Variants in PHACTR1 observed in about 807,000 individuals in gnomAD.
PHACTR1 encodes RPEL repeat containing 1.
A neutral mutation model predicts 69.2 loss-of-function variants in PHACTR1; 16 were observed. The observed-to-expected ratio is 0.23, with a 90% confidence interval of 0.16 to 0.35. The LOEUF is 0.35. Among genes scored for constraint, PHACTR1 ranks in the 10% least tolerant of loss-of-function variants. The pLI is 1.00. For synonymous variants in PHACTR1, 312 were observed against 284.5 expected, an observed-to-expected ratio of 1.10 and a Z score of -0.97; for missense variants, 510 against 734.7, an observed-to-expected ratio of 0.69 and a Z score of 3.54.
intron 4 of PHACTR1, among the ~76,000 whole-genome samples, chr6:13,043,128 A>G (rs759908619): frequency 6.6e-6 from 1 of 152,160 alleles, no homozygotes; most frequent in African/African-American, 2.4e-5. Flanking sequence ...AGCCTCTGCC[A>G]TTAAAGTGGC....
intron 5 of PHACTR1, among the ~76,000 whole-genome samples, chr6:13,060,582 A>G (rs138682816): frequency 1.6e-4 from 24 of 152,342 alleles, no homozygotes; most frequent in Non-Finnish European, 3.1e-4. Flanking sequence ...AAGGGCTAGT[A>G]TCAGAAAAGG....
intron 5 of PHACTR1, among the ~76,000 whole-genome samples, chr6:13,078,884 A>G (rs1380437685): frequency 6.6e-6 from 1 of 152,222 alleles, no homozygotes; most frequent in Non-Finnish European, 1.5e-5. Flanking sequence ...TTCAGTTGCA[A>G]ATAAAGTCCC....
chr6:13,086,444 C>T (rs1812320336), intron 5 of PHACTR1, among the ~76,000 whole-genome samples: 1 of 152,058 alleles, frequency 6.6e-6, no homozygotes, highest in Non-Finnish European at 1.5e-5. Context: ...AATCAAGATA[C>T]AGAACAGTTT....
intron 4 of PHACTR1, among the ~76,000 whole-genome samples, chr6:12,879,811 C>T (rs765187750): frequency 3.9e-5 from 6 of 152,180 alleles, no homozygotes; most frequent in Non-Finnish European, 7.3e-5. Context: ...ATAACCTTTA[C>T]TTCTCTACCC....
intron 10 of PHACTR1, among the ~76,000 whole-genome samples, chr6:13,252,375 A>G (rs1422701244): frequency 6.6e-6 from 1 of 151,698 alleles, no homozygotes; most frequent in Non-Finnish European, 1.5e-5. Context: ...AAAAAAGTCT[A>G]AAAAAGAAAA....
At position 13,206,010 on chromosome 6, in the gene PHACTR1, T is replaced by C; in HGVS notation, c.860T>C (p.Leu287Pro). ...CTGCCCTCCCAGATCCAGCACCAGC[T>C]GCAGTACGGCAGCCACGGCCAGCAC... is the stretch of plus-strand genomic sequence containing the variant. ...TVLPSQIQHQLQYGSHGQHLP... is the reference protein window; with the variant it reads ...TVLPSQIQHQPQYGSHGQHLP... Residue 287 changes from leucine (L) to proline (P), a missense_variant, in exon 8 of 15, where the codon CTG (leucine) becomes CCG (proline). By Grantham distance (98) the Leu-to-Pro change is moderately conservative. Transcript: ENST00000332995. The C allele has an allele frequency of 6.2e-7, 1 of 1,613,976 alleles. No homozygotes were observed. Among genetic ancestry groups the C allele is most frequent in the Non-Finnish European group, 8.5e-7 (1 of 1,179,890 alleles).
intron 4 of PHACTR1, among the ~76,000 whole-genome samples, chr6:12,891,382 C>T (rs1784157079): frequency 6.6e-6 from 1 of 152,134 alleles, no homozygotes; most frequent in African/African-American, 2.4e-5. Context: ...GGAAGTCAAA[C>T]ATACAAAGGA....
At chr6:12,959,176 C>CA (rs70989814) in intron 4 of PHACTR1, among the ~76,000 whole-genome samples, 1,799 of 45,962 alleles carry the variant, frequency 0.039, 82 homozygotes, top group African/African-American at 0.079. Context: ...GACTTTATCT[C>CA]AAAAAAAAAA....
chr6:13,029,538 A>G (rs1358645375), intron 4 of PHACTR1, among the ~76,000 whole-genome samples: 4 of 152,206 alleles, frequency 2.6e-5, no homozygotes, highest in Non-Finnish European at 5.9e-5. Context: ...CAGGCAAAAT[A>G]CAAAGAGAAG....
intron 7 of PHACTR1, among the ~76,000 whole-genome samples, chr6:13,204,214 TG>T (rs1765597090): frequency 6.6e-6 from 1 of 152,040 alleles, no homozygotes; most frequent in African/African-American, 2.4e-5. Flanking sequence ...AGTCCATGGA[TG>T]GGTTTTAAAC....
intron 3 of PHACTR1, among the ~76,000 whole-genome samples, chr6:12,729,352 G>A (rs985507061): frequency 3.9e-5 from 6 of 152,072 alleles, no homozygotes; most frequent in Non-Finnish European, 8.8e-5. Flanking sequence ...GTTTATCATC[G>A]ATGCAGCTTT....
At chr6:12,881,987 G>A (rs975224935) in intron 4 of PHACTR1, among the ~76,000 whole-genome samples, 1 of 152,164 alleles carries the variant, frequency 6.6e-6, no homozygotes, top group African/African-American at 2.4e-5. Context: ...GACCAAGGCA[G>A]AAGGTGTGTT....
chr6:13,196,240 G>A (rs1261783848), intron 7 of PHACTR1, among the ~76,000 whole-genome samples: 3 of 148,860 alleles, frequency 2.0e-5, no homozygotes, highest in African/African-American at 5.0e-5. Flanking sequence ...TATTCAGTGA[G>A]GTGCTGTCAA....
intron 4 of PHACTR1, among the ~76,000 whole-genome samples, chr6:12,849,818 A>C (rs1172997869): frequency 1.3e-5 from 2 of 152,154 alleles, no homozygotes; most frequent in Non-Finnish European, 2.9e-5. Context: ...ACAAAAATAC[A>C]CAATTCATAC....
At chr6:12,830,092 GGAAAGAAAGAAAGAAAGAAA>G (rs201322567) in intron 4 of PHACTR1, among the ~76,000 whole-genome samples, 20,499 of 108,904 alleles carry the variant, frequency 0.19, 2,076 homozygotes, top group Admixed American at 0.22. Flanking sequence ...AAGGAAGGAG[GGAAAGAAAGAAAGAAAGAAA>G]GAAAGAAAGA....
At chr6:12,732,046 G>A (rs1044251393) in intron 3 of PHACTR1, among the ~76,000 whole-genome samples, 1 of 151,070 alleles carries the variant, frequency 6.6e-6, no homozygotes, top group Non-Finnish European at 1.5e-5. Context: ...ATACTGAGTT[G>A]CAGAATATGT....
At chr6:12,959,196 GAAAAGA>G (rs1414044008) in intron 4 of PHACTR1, among the ~76,000 whole-genome samples, 2 of 77,854 alleles carry the variant, frequency 2.6e-5, no homozygotes, top group African/African-American at 5.7e-5. Context: ...AAAAAAAAAA[GAAAAGA>G]AAAAAAAAAG....
intron 4 of PHACTR1, among the ~76,000 whole-genome samples, chr6:13,031,244 C>T (rs966075351): frequency 6.6e-6 from 1 of 151,996 alleles, no homozygotes; most frequent in Non-Finnish European, 1.5e-5. Flanking sequence ...TAATTGGAAC[C>T]CCATGTATTC....
intron 10 of PHACTR1, among the ~76,000 whole-genome samples, chr6:13,251,953 G>A (rs1420233542): frequency 1.3e-5 from 2 of 151,636 alleles, no homozygotes; most frequent in Non-Finnish European, 2.9e-5. Context: ...TACTGGGGAG[G>A]CTGAAGTGGG....
Sources: allele counts gnomAD v4.1 joint callset (sites outside exome capture counted in the v4.1 genomes callset), GRCh38; gene constraint gnomAD v4.1.1; transcripts MANE v1.5; gene names NCBI Gene and HGNC (gene_info 2026-07-23, HGNC 2026-07-21).